CNTNAP2: variants seen among roughly 807,000 people sequenced by gnomAD.
The protein encoded by CNTNAP2 is contactin associated protein 2.
In CNTNAP2, 98 loss-of-function variants were observed where a neutral mutation model predicts 155.2. That is an observed-to-expected ratio of 0.63 (90% CI 0.54 to 0.75). CNTNAP2 has a LOEUF of 0.75. CNTNAP2 is among the 30% of genes least tolerant of loss of function. The pLI is 0.00. For missense variants in CNTNAP2, 1,727 were observed against 1,688.1 expected (o/e 1.02, Z -0.40); for synonymous variants, 651 against 631.2 (o/e 1.03, Z -0.47).
At chr7:148,346,087 G>C (rs545632012) in intron 21 of CNTNAP2, among the ~76,000 whole-genome samples, 1 of 152,032 alleles carries the variant, frequency 6.6e-6, no homozygotes, top group Admixed American at 6.6e-5. Context: ...CACCCTCTGC[G>C]TTGTGAATTT....
At chr7:147,419,151 A>G (rs1180415561) in intron 10 of CNTNAP2, among the ~76,000 whole-genome samples, 1 of 152,216 alleles carries the variant, frequency 6.6e-6, no homozygotes, top group Admixed American at 6.5e-5. Flanking sequence ...AGTAAGAGCC[A>G]CTGAAGTGTA....
intron 18 of CNTNAP2, among the ~76,000 whole-genome samples, chr7:148,214,657 G>A (rs527962531): frequency 2.7e-4 from 41 of 151,972 alleles, no homozygotes; most frequent in African/African-American, 9.4e-4. Context: ...TACAACCTCC[G>A]CCTCCCAGGT....
chr7:147,431,047 T>C (rs1797458218), intron 10 of CNTNAP2, among the ~76,000 whole-genome samples: 1 of 122,462 alleles, frequency 8.2e-6, no homozygotes, highest in East Asian at 2.3e-4. Flanking sequence ...TGAGACTCCA[T>C]CTCAAAAAAA....
chr7:147,776,269 T>TG (rs565772753), intron 13 of CNTNAP2, among the ~76,000 whole-genome samples: 60 of 151,772 alleles, frequency 4.0e-4, no homozygotes, highest in African/African-American at 1.2e-3. Flanking sequence ...GGCTGGGTTT[T>TG]TTTTTTTTTT....
chr7:146,638,498 T>C (rs1229098842), intron 1 of CNTNAP2, among the ~76,000 whole-genome samples: 2 of 108,586 alleles, frequency 1.8e-5, no homozygotes, highest in Admixed American at 8.9e-5. Flanking sequence ...TTTTTTTTTT[T>C]CTTTGAGATG....
intron 1 of CNTNAP2, among the ~76,000 whole-genome samples, chr7:146,411,480 C>T (rs1207666006): frequency 6.6e-6 from 1 of 151,938 alleles, no homozygotes. Flanking sequence ...TAAATGTTCT[C>T]ACCACAAGAA....
At chr7:148,395,798 T>C (rs1299041458) in intron 22 of CNTNAP2, among the ~76,000 whole-genome samples, 11 of 152,156 alleles carry the variant, frequency 7.2e-5, no homozygotes, top group Non-Finnish European at 8.8e-5. Context: ...CCAGGATCAC[T>C]TAACTCTCTG....
intron 1 of CNTNAP2, among the ~76,000 whole-genome samples, chr7:146,704,413 A>G (rs1333893508): frequency 6.6e-6 from 1 of 152,174 alleles, no homozygotes; most frequent in Non-Finnish European, 1.5e-5. Flanking sequence ...ACATAAGTCT[A>G]TAGAATTTTT....
At chr7:146,384,658 G>T (rs1354631419) in intron 1 of CNTNAP2, among the ~76,000 whole-genome samples, 1 of 152,028 alleles carries the variant, frequency 6.6e-6, no homozygotes, top group Non-Finnish European at 1.5e-5. Context: ...TAATTGATCA[G>T]TTTATTAATA....
At chr7:146,911,286 C>G (rs913533988) in intron 3 of CNTNAP2, among the ~76,000 whole-genome samples, 2 of 152,026 alleles carry the variant, frequency 1.3e-5, no homozygotes, top group African/African-American at 4.8e-5. Flanking sequence ...TACCATTTGA[C>G]CCAGCCATCC....
In CNTNAP2 at chr7:146,360,709, C is replaced by G. The variant is rs541436312; in HGVS notation, c.97+243736C>G. Among the ~76,000 whole-genome samples the G allele has an allele frequency of 1.7e-4, 26 of 152,312 alleles. No homozygotes were observed. In the South Asian group the frequency reaches 4.1e-3, roughly 24 times the overall value. On this transcript the variant is annotated intron_variant, in intron 1 of 23. Transcript: ENST00000361727. ...TCCCCAGATTCCAGTTCAGATGGAG[C>G]AGCTCCACTGTATTCTGGGGCTTAA...
At chr7:147,906,068 A>G (rs1263442438) in intron 14 of CNTNAP2, among the ~76,000 whole-genome samples, 1 of 152,202 alleles carries the variant, frequency 6.6e-6, no homozygotes, top group African/African-American at 2.4e-5. Flanking sequence ...GAGAAGAAGC[A>G]TGACGGAGCT....
intron 2 of CNTNAP2, among the ~76,000 whole-genome samples, chr7:146,775,053 A>T (rs1802364948): frequency 6.6e-6 from 1 of 152,194 alleles, no homozygotes; most frequent in South Asian, 2.1e-4. Context: ...TGGCAACTTA[A>T]AAAGGAAAGA....
chr7:147,095,164 C>T (rs992027158), intron 4 of CNTNAP2, among the ~76,000 whole-genome samples: 4 of 150,526 alleles, frequency 2.7e-5, no homozygotes, highest in Non-Finnish European at 4.4e-5. Flanking sequence ...GGACTATAGG[C>T]ATGCACCACC....
chr7:147,653,277 A>G (rs1436412328), intron 13 of CNTNAP2, among the ~76,000 whole-genome samples: 1 of 152,150 alleles, frequency 6.6e-6, no homozygotes, highest in Non-Finnish European at 1.5e-5. Context: ...ATCTTTTCAG[A>G]AGAAACTCTT....
In CNTNAP2 at chr7:147,266,203, T is replaced by C. The variant is rs533412562; in HGVS notation, c.1349-33938T>C. Among the ~76,000 whole-genome samples, 4 of 152,292 alleles carry C rather than the reference T, an allele frequency of 2.6e-5. No homozygotes were observed. The East Asian group carries it at 7.7e-4, about 29-fold the overall frequency. ...ATAACTGTTGAGCTAAAGAAGCATG[T>C]TCTAACCCAATACCAAAAAGCTAAG... On this transcript the variant is annotated intron_variant, in intron 8 of 23. Coordinates refer to ENST00000361727, the MANE Select transcript of CNTNAP2 (RefSeq NM_014141.6).
At chr7:146,287,244 A>AC (rs1800351011) in intron 1 of CNTNAP2, among the ~76,000 whole-genome samples, 1 of 152,086 alleles carries the variant, frequency 6.6e-6, no homozygotes, top group African/African-American at 2.4e-5. Context: ...TACTGCTGAA[A>AC]CTCACGTGAG....
At chr7:147,906,916 C>G (rs917499902) in intron 14 of CNTNAP2, among the ~76,000 whole-genome samples, 1 of 152,206 alleles carries the variant, frequency 6.6e-6, no homozygotes, top group Non-Finnish European at 1.5e-5. Flanking sequence ...TTCACAGTTA[C>G]TCAGGGACTT....
chr7:147,952,232 T>C (rs7778746), intron 14 of CNTNAP2, among the ~76,000 whole-genome samples: 34,158 of 49,136 alleles, frequency 0.7, 13,718 homozygotes, highest in East Asian at 0.86. Flanking sequence ...CACCTGAGGT[T>C]GGGAGTTTGA....
Sources: allele counts gnomAD v4.1 joint callset (sites outside exome capture counted in the v4.1 genomes callset), GRCh38; gene constraint gnomAD v4.1.1; transcripts MANE v1.5; gene names NCBI Gene and HGNC (gene_info 2026-07-23, HGNC 2026-07-21).